SPTAN1: variants seen among roughly 807,000 people sequenced by gnomAD.
The protein encoded by SPTAN1 is spectrin alpha, non-erythrocytic 1, also known as spectrin alpha chain, non-erythrocytic 1.
In SPTAN1, 61 loss-of-function variants were observed where a neutral mutation model predicts 331.3. That is an observed-to-expected ratio of 0.18 (90% CI 0.15 to 0.23). The LOEUF (loss-of-function observed/expected upper bound fraction) is 0.23, where lower values mean the gene tolerates loss of function less well. Ranked by LOEUF, SPTAN1 falls within the 10% of genes least tolerant of loss-of-function variation. The pLI is 1.00. For synonymous variants in SPTAN1, 1,153 were observed against 1,173.9 expected, an observed-to-expected ratio of 0.98 and a Z score of 0.36; for missense variants, 2,043 against 3,147.9, an observed-to-expected ratio of 0.65 and a Z score of 8.40.
In SPTAN1 at chr9:128,625,094, G is replaced by A. The variant is rs761329975; in HGVS notation, c.5993-9G>A. The A allele has an allele frequency of 2.7e-5, 43 of 1,613,954 alleles. No individual in the cohort carries two copies. The highest frequency in any genetic ancestry group is 1.7e-4 in the Middle Eastern group (1 of 6,000). On this transcript the variant is annotated splice_polypyrimidine_tract_variant and intron_variant, in intron 46 of 56. Coordinates refer to ENST00000372739, the MANE Select transcript of SPTAN1 (RefSeq NM_001130438.3). The surrounding 1 kb of genome is among the most constrained non-coding windows in gnomAD (Gnocchi z 4.1). ...GAGGGCAGTATATTTTCCACACTTC[G>A]TTTTCTAGGTGAAAAGGAGAACAGC...
At position 128,591,588 on chromosome 9, in the gene SPTAN1, G is replaced by C; in HGVS notation, c.3118G>C (p.Gly1040Arg). Residue 1040 changes from glycine to arginine, a missense_variant, in exon 22 of 57, where the codon GGC (glycine) becomes CGC (arginine). By Grantham distance (125) the Gly-to-Arg change is moderately radical. This residue lies in a region of SPTAN1 where 1,038 missense variants were observed against 1,531.5 expected (regional missense o/e 0.68). Transcript: ENST00000372739. ...ASRENLLEEQGSIALRQEQID... is the reference protein window; with the variant it reads ...ASRENLLEEQRSIALRQEQID... ...CCGGGAGAATCTCCTGGAGGAGCAA[G>C]GCAGCATAGCACTGCGGCAGGAGCA... 1 of 1,614,216 alleles carries C rather than the reference G, an allele frequency of 6.2e-7. No homozygotes were observed. The highest frequency in any genetic ancestry group is 1.1e-5 in the South Asian group (1 of 91,092).
intron 20 of SPTAN1, among the ~76,000 whole-genome samples, chr9:128,588,310 A>ATT (rs386416287): frequency 0.06 from 6,884 of 114,708 alleles, 546 homozygotes; most frequent in Middle Eastern, 0.11. Context: ...TTAAAATGAG[A>ATT]TTTTTTTTTT....
chr9:128,632,379 C>T (rs2132092733), intron 53 of SPTAN1, 52 bp from the exon 54 acceptor site: 1 of 1,613,780 alleles, frequency 6.2e-7, no homozygotes, highest in South Asian at 1.1e-5. Flanking sequence ...GGAAAAGACA[C>T]AGTCACCTGC....
Position 128,624,309 on chromosome 9 carries a change from G to A in SPTAN1, c.5833-19G>A, listed in dbSNP as rs377194470. 1 of 1,613,602 alleles carries A rather than the reference G, an allele frequency of 6.2e-7. No homozygotes were observed. Among genetic ancestry groups the A allele is most frequent in the Non-Finnish European group, 8.5e-7 (1 of 1,179,898 alleles). Reference sequence around the variant, plus strand: ...CAGCAGGTAAGGCTGACCAGTGTGTGCCTCTCTCCATGGCCTAGAACAATC... The same window carrying A: ...CAGCAGGTAAGGCTGACCAGTGTGTACCTCTCTCCATGGCCTAGAACAATC... On this transcript the variant is annotated intron_variant, in intron 45 of 56. Transcript: ENST00000372739.
intron 27 of SPTAN1, among the ~76,000 whole-genome samples, chr9:128,603,100 C>T (rs1398938263): frequency 6.6e-6 from 1 of 152,132 alleles, no homozygotes; most frequent in Non-Finnish European, 1.5e-5. Flanking sequence ...AGAACAGCAA[C>T]CCAGTAACTA....
intron 52 of SPTAN1, among the ~76,000 whole-genome samples, chr9:128,631,145 G>A (rs1267608209): frequency 6.6e-6 from 1 of 151,540 alleles, no homozygotes; most frequent in Non-Finnish European, 1.5e-5. Flanking sequence ...ACTCCCGGCC[G>A]AGGGCTCTTC....
intron 9 of SPTAN1, among the ~76,000 whole-genome samples, chr9:128,579,025 A>G (rs1851641817): frequency 6.6e-6 from 1 of 152,142 alleles, no homozygotes; most frequent in Admixed American, 6.5e-5. Context: ...ACTTCTGGAG[A>G]AAACTATAAA....
intron 1 of SPTAN1, among the ~76,000 whole-genome samples, chr9:128,562,248 G>C (rs745729487): frequency 3.9e-5 from 6 of 152,064 alleles, no homozygotes; most frequent in Non-Finnish European, 7.4e-5. Context: ...GGCTACAGGC[G>C]CGTGCCACCA....
intron 51 of SPTAN1, chr9:128,628,238 G>A (rs777869857): frequency 8.8e-6 from 5 of 565,470 alleles, no homozygotes; most frequent in Non-Finnish European, 1.7e-5. Flanking sequence ...CAGAGCTGGA[G>A]TCCAGAGGCC....
intron 27 of SPTAN1, among the ~76,000 whole-genome samples, chr9:128,602,210 G>T (rs12379323): frequency 1.3e-5 from 2 of 148,216 alleles, no homozygotes; most frequent in Non-Finnish European, 1.5e-5. Context: ...TGTTTTTTTT[G>T]GGTTTTTTTT....
chr9:128,599,804 GT>G, intron 26 of SPTAN1: 1 of 492,916 alleles, frequency 2.0e-6, no homozygotes, highest in South Asian at 2.5e-5. Flanking sequence ...CAACATAAAA[GT>G]TGGTGGTTTT....
rs1397667127 is a variant in SPTAN1, at chr9:128,566,989, C to T, written c.237+12C>T. The T allele has an allele frequency of 7.4e-6, 12 of 1,613,728 alleles. No individual in the cohort carries two copies. The Admixed American group carries it at 1.3e-4, about 18-fold the overall frequency. On this transcript the variant is annotated intron_variant, in intron 2 of 56. Coordinates refer to ENST00000372739, the MANE Select transcript of SPTAN1 (RefSeq NM_001130438.3). ...CAACCAACTTGCAGGTACGTCTGAT[C>T]TCCTGGGATTCCTGCCAAAATTCAA... is the stretch of plus-strand genomic sequence containing the variant.
At position 128,598,870 on chromosome 9, in the gene SPTAN1, A is replaced by G. The variant is rs78493234; in HGVS notation, c.3520-93A>G. The G allele has an allele frequency of 4.8e-3, 5,532 of 1,148,038 alleles. 187 individuals are homozygous for G. The African/African-American group carries it at 0.074, about 15-fold the overall frequency. 71.1% of individuals were successfully genotyped at this position (1,148,038 alleles called of 1,614,324 possible). On this transcript the variant is annotated intron_variant, in intron 25 of 56. Transcript: ENST00000372739. The stretch of plus-strand genomic sequence containing the variant: ...CATTTCCATTTGTCCTTTTGGAATT[A>G]TCTCCTGTGTTTCCAGGTTTGGCCA...
chr9:128,627,367 G>GC lies in SPTAN1; in HGVS notation c.6577-13dup, dbSNP rs761170802. 1.9e-5 allele frequency: 30 copies of GC among 1,548,722 alleles called. No homozygotes were observed. Among genetic ancestry groups the GC allele is most frequent in the Middle Eastern group, 3.4e-4 (2 of 5,956 alleles). On this transcript the variant is annotated intron_variant, in intron 49 of 56. Coordinates refer to ENST00000372739, the MANE Select transcript of SPTAN1 (RefSeq NM_001130438.3). The surrounding 1 kb of genome is among the most constrained non-coding windows in gnomAD (Gnocchi z 4.9). ...ACTGCCACAGCAGCGCACAGCATCT[G>GC]CCCCCCTTTGGCCCTCAGGAGAGGG...
intron 1 of SPTAN1, among the ~76,000 whole-genome samples, chr9:128,556,138 T>C (rs1848615101): frequency 6.6e-6 from 1 of 152,082 alleles, no homozygotes; most frequent in Non-Finnish European, 1.5e-5. Context: ...GGAGAATCGC[T>C]TTAACCGAGG....
chr9:128,559,810 C>A (rs1411655924), intron 1 of SPTAN1, among the ~76,000 whole-genome samples: 1 of 151,618 alleles, frequency 6.6e-6, no homozygotes, highest in Non-Finnish European at 1.5e-5. Flanking sequence ...TCTTGGCTCA[C>A]TGCAACCTCT....
intron 52 of SPTAN1, 99 bp from the exon 53 acceptor site, chr9:128,632,028 C>A: frequency 7.6e-7 from 1 of 1,313,642 alleles, no homozygotes; most frequent in Non-Finnish European, 1.1e-6. Flanking sequence ...AGGTCTCAGG[C>A]CAGGCCTGGA....
rs1045100999 is a variant in SPTAN1, at chr9:128,598,338, A to G, written c.3415-62A>G. On this transcript the variant is annotated intron_variant, in intron 24 of 56. Transcript: ENST00000372739. ...TAGTTTCAAGCCATAGTTTGTGACT[A>G]TGTCTCCTTTGACTTTGGCTTGCTA... 3.2e-6 allele frequency: 4 copies of G among 1,251,814 alleles called. No homozygotes were observed. The African/African-American group carries it at 4.4e-5, about 14-fold the overall frequency. The allele number at this position is 1,251,814 out of a possible 1,614,324, so 77.5% of individuals were successfully genotyped here. A position where few individuals can be genotyped will look rare whatever the true frequency, so the allele number is the denominator to read the frequency against.
chr9:128,627,367 G>GCCC lies in SPTAN1; in HGVS notation c.6577-15_6577-13dup, dbSNP rs761170802. The GCCC allele has an allele frequency of 6.5e-6, 10 of 1,548,844 alleles. No homozygotes were observed. In the South Asian group the frequency reaches 1.2e-4, roughly 18 times the overall value. On this transcript the variant is annotated intron_variant, in intron 49 of 56. Transcript: ENST00000372739. This position sits in a 1 kb window ranked among gnomAD's most constrained non-coding sequence, Gnocchi z 4.9. Reference sequence around the variant, plus strand: ...ACTGCCACAGCAGCGCACAGCATCTGCCCCCCTTTGGCCCTCAGGAGAGGG... The same window carrying GCCC: ...ACTGCCACAGCAGCGCACAGCATCTGCCCCCCCCCTTTGGCCCTCAGGAGAGGG...
Sources: allele counts gnomAD v4.1 joint callset (sites outside exome capture counted in the v4.1 genomes callset), GRCh38; gene constraint gnomAD v4.1.1; regional missense constraint gnomAD v4.1.1; non-coding constraint Gnocchi (gnomAD v3.1); transcripts MANE v1.5; gene names NCBI Gene and HGNC (gene_info 2026-07-23, HGNC 2026-07-21).